SKAP2: variants seen among roughly 807,000 people sequenced by gnomAD.
SKAP2 encodes the protein src kinase-associated phosphoprotein 2.
SKAP2 carries 28 observed loss-of-function variants against 54.9 expected under a neutral mutation model. That is an observed-to-expected ratio of 0.51 (90% CI 0.38 to 0.70). The LOEUF (loss-of-function observed/expected upper bound fraction) is 0.70, where lower values mean the gene tolerates loss of function less well. Among genes scored for constraint, SKAP2 ranks in the 30% least tolerant of loss-of-function variants. SKAP2 has a pLI of 0.00. For missense variants in SKAP2, 356 were observed against 424.1 expected (o/e 0.84, Z 1.41); for synonymous variants, 137 against 134.3 (o/e 1.02, Z -0.14).
At chr7:26,750,478 T>C (rs982674841) in intron 4 of SKAP2, among the ~76,000 whole-genome samples, 1 of 151,886 alleles carries the variant, frequency 6.6e-6, no homozygotes, top group Admixed American at 6.6e-5. Flanking sequence ...GCCCAACTAA[T>C]TTTTGTATCT....
intron 4 of SKAP2, among the ~76,000 whole-genome samples, chr7:26,803,496 A>C (rs551940827): frequency 6.6e-6 from 1 of 152,356 alleles, no homozygotes; most frequent in South Asian, 2.1e-4. Context: ...TGAATGACAG[A>C]CAGCCCTTGT....
intron 9 of SKAP2, among the ~76,000 whole-genome samples, chr7:26,707,545 T>G (rs1476770880): frequency 6.6e-6 from 1 of 152,198 alleles, no homozygotes; most frequent in Admixed American, 6.5e-5. Context: ...AATTCATAAC[T>G]TATGGCTTAG....
In SKAP2 at chr7:26,677,318, G is replaced by C. The variant is rs535782206; in HGVS notation, c.988-7126C>G. On this transcript the variant is annotated intron_variant, in intron 11 of 12. Coordinates refer to ENST00000345317, the MANE Select transcript of SKAP2 (RefSeq NM_003930.5). The stretch of plus-strand genomic sequence containing the variant: ...GAGGCAGGAGAAATGCTTGAACCCG[G>C]GAGGCAGAGGTTGCAGTGAGCTGAA... Among the ~76,000 whole-genome samples, 150 of 151,612 alleles carry C rather than the reference G, an allele frequency of 9.9e-4. 1 individual carries two copies. Among genetic ancestry groups the C allele is most frequent in the Non-Finnish European group, 1.8e-3 (121 of 67,930 alleles).
intron 4 of SKAP2, among the ~76,000 whole-genome samples, chr7:26,819,393 A>T (rs1318791615): frequency 6.6e-6 from 1 of 152,064 alleles, no homozygotes; most frequent in Non-Finnish European, 1.5e-5. Flanking sequence ...CAAGGAAGGG[A>T]ACATCACACA....
chr7:26,701,334 G>C (rs1011711433), intron 9 of SKAP2, among the ~76,000 whole-genome samples: 7 of 152,148 alleles, frequency 4.6e-5, no homozygotes, highest in African/African-American at 1.4e-4. Flanking sequence ...ACACACAACT[G>C]TCATACATTT....
chr7:26,727,360 G>C (rs1584354582), intron 6 of SKAP2, among the ~76,000 whole-genome samples: 2 of 152,046 alleles, frequency 1.3e-5, no homozygotes. Context: ...GGGAAGATCT[G>C]TCCAGCTGAA....
intron 11 of SKAP2, among the ~76,000 whole-genome samples, chr7:26,678,059 T>C (rs879509134): frequency 6.6e-6 from 1 of 152,222 alleles, no homozygotes; most frequent in Admixed American, 6.5e-5. Flanking sequence ...GAGAAGGCAC[T>C]TAATAGCTGC....
chr7:26,834,012 A>G (rs547508465), intron 4 of SKAP2, among the ~76,000 whole-genome samples: 2 of 152,374 alleles, frequency 1.3e-5, no homozygotes, highest in African/African-American at 4.8e-5. Flanking sequence ...CCACAGTGCA[A>G]GTAAATTAGA....
intron 4 of SKAP2, among the ~76,000 whole-genome samples, chr7:26,758,606 A>G (rs776913089): frequency 2.6e-5 from 4 of 152,166 alleles, no homozygotes; most frequent in Non-Finnish European, 5.9e-5. Context: ...TTGCCTAGAA[A>G]GCTTTCAGCT....
rs373580758 is a variant in SKAP2 at position 26,755,335 on chromosome 7, G to C, written c.308-15371C>G. Among the ~76,000 whole-genome samples the C allele has an allele frequency of 2.1e-5, 3 of 144,432 alleles. No individual in the cohort carries two copies. The East Asian group carries it at 5.8e-4, about 28-fold the overall frequency. The allele number at this position is 144,432 out of a possible 152,430, so 94.8% of individuals were successfully genotyped here. ...ACCAACCAAAGAAGTCAGGTATACT[G>C]TTATAATTCCATACATGGATAAGAA... On this transcript the variant is annotated intron_variant, in intron 4 of 12. Transcript: ENST00000345317.
At chr7:26,679,558 A>G (rs1786438320) in intron 11 of SKAP2, among the ~76,000 whole-genome samples, 1 of 152,208 alleles carries the variant, frequency 6.6e-6, no homozygotes, top group Admixed American at 6.5e-5. Flanking sequence ...TCAAAAGGCT[A>G]TAAAATATAA....
In SKAP2 at chr7:26,725,958, T is replaced by G; in HGVS notation, c.623A>C (p.Glu208Ala). 6.2e-7 allele frequency: 1 copy of G among 1,611,350 alleles called. No homozygotes were observed. Among genetic ancestry groups the G allele is most frequent in the Non-Finnish European group, 8.5e-7 (1 of 1,178,554 alleles). The change falls in exon 8 of 13, where the codon GAA (glutamate) becomes GCA (alanine). Residue 208 changes from glutamate to alanine, a missense_variant. Glu to Ala is a moderately radical substitution (Grantham distance 107). Coordinates refer to ENST00000345317, the MANE Select transcript of SKAP2 (RefSeq NM_003930.5). Reference sequence around the variant, plus strand: ...AAATTTCAGCTGCTGTACCCATTCTTCAGCATCTTTGGGAGAAGCTGCTGT... The same window carrying G: ...AAATTTCAGCTGCTGTACCCATTCTGCAGCATCTTTGGGAGAAGCTGCTGT... ...QFTAASPKDA[E>A]EWVQQLKFVL...
intron 4 of SKAP2, among the ~76,000 whole-genome samples, chr7:26,835,661 C>T (rs1281331933): frequency 6.6e-6 from 1 of 151,088 alleles, no homozygotes; most frequent in Non-Finnish European, 1.5e-5. Flanking sequence ...TCAAGGAGAA[C>T]TACAAACCAC....
downstream of SKAP2, chr7:26,666,929 G>A (rs1334995293): frequency 6.6e-6 from 1 of 152,064 alleles, no homozygotes; most frequent in South Asian, 2.1e-4. Context: ...TCAGTTTGGC[G>A]GCCAGATGGC....
chr7:26,755,636 C>A (rs1782775006), intron 4 of SKAP2, among the ~76,000 whole-genome samples: 1 of 152,110 alleles, frequency 6.6e-6, no homozygotes. Context: ...AGCCCAGAGA[C>A]CATAACTGTC....
At position 26,721,460 on chromosome 7, in the gene SKAP2, C is replaced by T. The variant is rs538999331; in HGVS notation, c.796+3968G>A. Among the ~76,000 whole-genome samples the T allele has an allele frequency of 3.3e-5, 5 of 152,096 alleles. No individual in the cohort carries two copies. In the South Asian group the frequency reaches 8.3e-4, roughly 25 times the overall value. On this transcript the variant is annotated intron_variant, in intron 9 of 12. Transcript: ENST00000345317. ...TAGATGCAGATAGTTGGACTGAATACATTTAAAATGTAATTGAATGGCCAA... is the reference window on the plus strand; with the variant it reads ...TAGATGCAGATAGTTGGACTGAATATATTTAAAATGTAATTGAATGGCCAA...
intron 4 of SKAP2, among the ~76,000 whole-genome samples, chr7:26,786,891 G>C (rs1783558509): frequency 5.3e-5 from 8 of 151,484 alleles, no homozygotes; most frequent in Admixed American, 5.3e-4. Context: ...TTCTTTTTTA[G>C]ACAGCAATTA....
chr7:26,758,050 T>C (rs990868774), intron 4 of SKAP2, among the ~76,000 whole-genome samples: 22 of 152,344 alleles, frequency 1.4e-4, no homozygotes, highest in African/African-American at 5.0e-4. Context: ...CGTAAGCCAC[T>C]GCATCCAGCA....
At chr7:26,673,506 A>G (rs2106907) in intron 11 of SKAP2, among the ~76,000 whole-genome samples, 1,522 of 152,174 alleles carry the variant, frequency 0.01, 54 homozygotes, top group Admixed American at 0.069. Context: ...GGTAATTACT[A>G]ACACAAAGCT....
Sources: allele counts gnomAD v4.1 joint callset (sites outside exome capture counted in the v4.1 genomes callset), GRCh38; gene constraint gnomAD v4.1.1; transcripts MANE v1.5; gene names NCBI Gene and HGNC (gene_info 2026-07-23, HGNC 2026-07-21).